ZNF121: variants seen among roughly 807,000 people sequenced by gnomAD.
The protein encoded by ZNF121 is zinc finger protein 121, also known as zinc finger protein 121 (clone ZHC32).
Under a neutral mutation model 2.4 loss-of-function variants are expected in ZNF121, and 1 was observed. The observed-to-expected ratio is 0.41, with a 90% CI of 0.15 to 1.94. ZNF121 has a LOEUF of 1.94. Ranked by LOEUF, ZNF121 falls within the 30% of genes most tolerant of loss-of-function variation. The pLI is 0.30. For synonymous variants in ZNF121, 173 were observed against 158.6 expected, an observed-to-expected ratio of 1.09 and a Z score of -0.68; for missense variants, 369 against 466.3, an observed-to-expected ratio of 0.79 and a Z score of 1.92.
rs183766703 is a variant in ZNF121, at chr19:9,563,409, T to C, written c.*2531A>G. 9.8e-5 allele frequency: 15 copies of C among 152,306 alleles called. No individual in the cohort carries two copies. The highest frequency in any genetic ancestry group is 2.1e-4 in the Non-Finnish European group (14 of 68,028). The allele number at this position is 152,306 out of a possible 1,614,324, so 9.4% of individuals were successfully genotyped here. ...ATTTCCATAACATAAAAGTACAAAG[T>C]GAAGTAGCAATTGCTGATGTGGAAT... On this transcript the variant is annotated 3_prime_UTR_variant, in exon 4 of 4. Coordinates refer to ENST00000320451, the MANE Select transcript of ZNF121 (RefSeq NM_001008727.5).
At chr19:9,582,285 GAAC>G (rs1206113348) in intron 1 of ZNF121, among the ~76,000 whole-genome samples, 3 of 152,290 alleles carry the variant, frequency 2.0e-5, no homozygotes, top group South Asian at 2.1e-4. Flanking sequence ...AGCAACTGAA[GAAC>G]AACAAGAAGA....
chr19:9,566,813 C>T lies in ZNF121; in HGVS notation c.300G>A (p.Gln100=). Residue 100 remains glutamine, a synonymous_variant, in exon 4 of 4, where the codon CAG becomes CAA. Transcript: ENST00000320451. ...YSDCEEAFVD[Q]SHLQANRITH... ...TTATCCTATTTGCCTGAAGATGTGA[C>T]TGATCAACAAAGGCTTCCTCACAGT... 1.2e-6 allele frequency: 2 copies of T among 1,614,198 alleles called. No individual in the cohort carries two copies. Among genetic ancestry groups the T allele is most frequent in the Non-Finnish European group, 1.7e-6 (2 of 1,180,038 alleles).
In ZNF121 at chr19:9,561,506, C is replaced by T. The variant is rs2074100530; in HGVS notation, c.*4434G>A. The T allele has an allele frequency of 6.6e-6, 1 of 152,236 alleles. No homozygotes were observed. The highest frequency in any genetic ancestry group is 6.5e-5 in the Admixed American group (1 of 15,292). The allele number at this position is 152,236 out of a possible 1,614,324, so 9.4% of individuals were successfully genotyped here. ...TAAGAATTTATGATACATGCTCCTA[C>T]AAGTAAATGGGTAAATAAATGAATA... is the stretch of plus-strand genomic sequence containing the variant. On this transcript the variant is annotated 3_prime_UTR_variant, in exon 4 of 4. Coordinates refer to ENST00000320451, the MANE Select transcript of ZNF121 (RefSeq NM_001008727.5).
Position 9,568,104 on chromosome 19 carries a change from G to A in ZNF121, c.-7C>T. On this transcript the variant is annotated 5_prime_UTR_variant, in exon 3 of 4. Transcript: ENST00000320451. ...GAAATCTTAATCTTACCATTTGTAT[G>A]CCGTTTGATGTTTTGTTAAGCCAAA... 6.5e-7 allele frequency: 1 copy of A among 1,546,968 alleles called. No homozygotes were observed. Among genetic ancestry groups the A allele is most frequent in the South Asian group, 1.2e-5 (1 of 81,924 alleles).
At position 9,560,738 on chromosome 19, in the gene ZNF121, G is replaced by C. The variant is rs1463479659; in HGVS notation, c.*5202C>G. 6.6e-6 allele frequency: 1 copy of C among 152,162 alleles called. No individual in the cohort carries two copies. Among genetic ancestry groups the C allele is most frequent in the Non-Finnish European group, 1.5e-5 (1 of 68,032 alleles). The allele number at this position is 152,162 out of a possible 1,614,324, so 9.4% of individuals were successfully genotyped here. ...TCATCTGTCAATGGACATTTACTTT[G>C]CTTCCACCTCTTGGCTCTTCTGAAT... On this transcript the variant is annotated 3_prime_UTR_variant, in exon 4 of 4. Coordinates refer to ENST00000320451, the MANE Select transcript of ZNF121 (RefSeq NM_001008727.5).
chr19:9,567,624 TA>T, intron 3 of ZNF121: 1 of 319,354 alleles, frequency 3.1e-6, no homozygotes, highest in South Asian at 2.9e-5. Context: ...TTGTAATATA[TA>T]ATGAAATAAT....
rs1056241782 is a variant in ZNF121 at position 9,574,389 on chromosome 19, C to T, written c.-159-5307G>A. Among the ~76,000 whole-genome samples the T allele has an allele frequency of 3.9e-5, 6 of 152,116 alleles. No individual in the cohort carries two copies. The South Asian group carries it at 1.0e-3, about 26-fold the overall frequency. On this transcript the variant is annotated intron_variant, in intron 1 of 3. Coordinates refer to ENST00000320451, the MANE Select transcript of ZNF121 (RefSeq NM_001008727.5). The stretch of plus-strand genomic sequence containing the variant: ...CAGGATGGTCTCAATCTCCTGATCC[C>T]GTGATCTGCCCGCCTTGGCCTCCCA...
chr19:9,580,437 A>G (rs2144824696), intron 1 of ZNF121, among the ~76,000 whole-genome samples: 1 of 151,708 alleles, frequency 6.6e-6, no homozygotes, highest in East Asian at 1.9e-4. Flanking sequence ...GCAATGAGCC[A>G]TGATTATGCC....
intron 1 of ZNF121, among the ~76,000 whole-genome samples, chr19:9,575,277 G>A (rs1015047758): frequency 4.6e-5 from 7 of 152,088 alleles, no homozygotes; most frequent in African/African-American, 1.7e-4. Context: ...AAAAAAATTA[G>A]CCTGGTATGG....
At chr19:9,582,253 C>A (rs1429527460) in intron 1 of ZNF121, among the ~76,000 whole-genome samples, 1 of 152,172 alleles carries the variant, frequency 6.6e-6, no homozygotes, top group African/African-American at 2.4e-5. Flanking sequence ...GTGACCTGCA[C>A]GTATACATCC....
rs2074112351 is a variant in ZNF121, at chr19:9,563,477, T to C, written c.*2463A>G. ...AGAATATCTAGATAAATGGCAGAGG[T>C]AGCTCTACTAGAGTTTTAACAGAGA... On this transcript the variant is annotated 3_prime_UTR_variant, in exon 4 of 4. Transcript: ENST00000320451. 6.6e-6 allele frequency: 1 copy of C among 152,200 alleles called. No individual in the cohort carries two copies. Among genetic ancestry groups the C allele is most frequent in the African/African-American group, 2.4e-5 (1 of 41,442 alleles). 9.4% of individuals were successfully genotyped at this position (152,200 alleles called of 1,614,324 possible). A position where few individuals can be genotyped will look rare whatever the true frequency, so the allele number is the denominator to read the frequency against.
At chr19:9,581,481 G>A (rs2074247955) in intron 1 of ZNF121, among the ~76,000 whole-genome samples, 1 of 152,140 alleles carries the variant, frequency 6.6e-6, no homozygotes, top group Non-Finnish European at 1.5e-5. Flanking sequence ...GGAAAGGTAT[G>A]TGAGCTGGTA....
rs747800592 is a variant in ZNF121, at chr19:9,564,571, G to C, written c.*1369C>G. 1 of 152,070 alleles carries C rather than the reference G, an allele frequency of 6.6e-6. No homozygotes were observed. The highest frequency in any genetic ancestry group is 1.9e-4 in the East Asian group (1 of 5,194). 9.4% of individuals were successfully genotyped at this position (152,070 alleles called of 1,614,324 possible). On this transcript the variant is annotated 3_prime_UTR_variant, in exon 4 of 4. Coordinates refer to ENST00000320451, the MANE Select transcript of ZNF121 (RefSeq NM_001008727.5). Reference sequence around the variant, plus strand: ...GATGTGACAGAATTGTTTCAATCTCGTGAAAAAACTTGAACAGATGAGAGG... The same window carrying C: ...GATGTGACAGAATTGTTTCAATCTCCTGAAAAAACTTGAACAGATGAGAGG...
At position 9,561,158 on chromosome 19, in the gene ZNF121, T is replaced by G. The variant is rs1243386492; in HGVS notation, c.*4782A>C. On this transcript the variant is annotated 3_prime_UTR_variant, in exon 4 of 4. Coordinates refer to ENST00000320451, the MANE Select transcript of ZNF121 (RefSeq NM_001008727.5). ...ATAGAGTTATTAATGTGTGGATACGTATATATAATTTTGTATGTCTTTGCC... is the reference window on the plus strand; with the variant it reads ...ATAGAGTTATTAATGTGTGGATACGGATATATAATTTTGTATGTCTTTGCC... The G allele has an allele frequency of 6.6e-6, 1 of 152,204 alleles. No homozygotes were observed. The highest frequency in any genetic ancestry group is 1.5e-5 in the Non-Finnish European group (1 of 68,028). The allele number at this position is 152,204 out of a possible 1,614,324, so 9.4% of individuals were successfully genotyped here. A position where few individuals can be genotyped will look rare whatever the true frequency, so the allele number is the denominator to read the frequency against.
At chr19:9,579,427 G>A (rs775427383) in intron 1 of ZNF121, among the ~76,000 whole-genome samples, 4 of 152,236 alleles carry the variant, frequency 2.6e-5, no homozygotes, top group Non-Finnish European at 5.9e-5. Flanking sequence ...GCTCATGCCT[G>A]TAATCCCAGC....
chr19:9,576,839 C>T (rs558857904), intron 1 of ZNF121, among the ~76,000 whole-genome samples: 1 of 152,154 alleles, frequency 6.6e-6, no homozygotes, highest in Admixed American at 6.5e-5. Context: ...AAACTATATG[C>T]CAACAAATTG....
chr19:9,569,460 T>C (rs2074157694), intron 1 of ZNF121, among the ~76,000 whole-genome samples: 1 of 151,536 alleles, frequency 6.6e-6, no homozygotes, highest in Non-Finnish European at 1.5e-5. Context: ...AAAAATAAAA[T>C]AAAAACCATT....
intron 1 of ZNF121, among the ~76,000 whole-genome samples, chr19:9,569,942 CT>C (rs869181068): frequency 2.2e-5 from 3 of 139,206 alleles, no homozygotes; most frequent in Non-Finnish European, 3.1e-5. Flanking sequence ...CTCTCTCTCT[CT>C]TTTTTTTCTT....
rs745566895 is a variant in ZNF121, at chr19:9,562,382, T to C, written c.*3558A>G. Reference sequence around the variant, plus strand: ...GGTTTCACCATGGTGGCCAGGCTGGTCTCGAACTCCTGACCTCATGATTCA... The same window carrying C: ...GGTTTCACCATGGTGGCCAGGCTGGCCTCGAACTCCTGACCTCATGATTCA... On this transcript the variant is annotated 3_prime_UTR_variant, in exon 4 of 4. Coordinates refer to ENST00000320451, the MANE Select transcript of ZNF121 (RefSeq NM_001008727.5). 1.0e-5 allele frequency: 2 copies of C among 198,022 alleles called. No individual in the cohort carries two copies. The highest frequency in any genetic ancestry group is 2.3e-5 in the Non-Finnish European group (2 of 86,672). 12.3% of individuals were successfully genotyped at this position (198,022 alleles called of 1,614,324 possible).
Sources: allele counts gnomAD v4.1 joint callset (sites outside exome capture counted in the v4.1 genomes callset), GRCh38; gene constraint gnomAD v4.1.1; transcripts MANE v1.5; gene names NCBI Gene and HGNC (gene_info 2026-07-23, HGNC 2026-07-21).